GRM7: variants seen among roughly 807,000 people sequenced by gnomAD.
The protein encoded by GRM7 is metabotropic glutamate receptor 7.
Under a neutral mutation model 84.5 loss-of-function variants are expected in GRM7, and 35 were observed. The observed-to-expected ratio is 0.41, with a 90% CI of 0.32 to 0.55. The LOEUF (loss-of-function observed/expected upper bound fraction) is 0.55. Among genes scored for constraint, GRM7 ranks in the 20% least tolerant of loss-of-function variants. The pLI is 0.19. For missense variants in GRM7, 1,003 were observed against 1,194.6 expected, an observed-to-expected ratio of 0.84 and a Z score of 2.36; for synonymous variants, 487 against 455.1, an observed-to-expected ratio of 1.07 and a Z score of -0.89.
chr3:7,621,995 C>G (rs1465937631), intron 8 of GRM7, among the ~76,000 whole-genome samples: 1 of 152,158 alleles, frequency 6.6e-6, no homozygotes, highest in Non-Finnish European at 1.5e-5. Flanking sequence ...ATCAGACTTT[C>G]TAAGTGTACG....
chr3:7,323,029 T>A (rs1011499316), intron 4 of GRM7, among the ~76,000 whole-genome samples: 1 of 152,148 alleles, frequency 6.6e-6, no homozygotes, highest in African/African-American at 2.4e-5. Context: ...AGCAAGAGTA[T>A]GTTTGCCACT....
chr3:6,978,384 C>T (rs975297536), intron 1 of GRM7, among the ~76,000 whole-genome samples: 17 of 152,116 alleles, frequency 1.1e-4, no homozygotes, highest in Non-Finnish European at 2.2e-4. Context: ...GAGAACACAT[C>T]TCTGTTGTCT....
chr3:7,568,082 A>G (rs1694410101), intron 7 of GRM7, among the ~76,000 whole-genome samples: 1 of 152,184 alleles, frequency 6.6e-6, no homozygotes, highest in Non-Finnish European at 1.5e-5. Flanking sequence ...TTAGTAAGTT[A>G]TTCATTCACT....
intron 4 of GRM7, among the ~76,000 whole-genome samples, chr3:7,382,682 A>T (rs1332483725): frequency 6.6e-6 from 1 of 152,242 alleles, no homozygotes; most frequent in African/African-American, 2.4e-5. Context: ...GAAAGGAAAA[A>T]AATAAAGTAG....
At chr3:7,370,714 C>T (rs894836533) in intron 4 of GRM7, among the ~76,000 whole-genome samples, 4 of 152,128 alleles carry the variant, frequency 2.6e-5, no homozygotes, top group African/African-American at 9.7e-5. Context: ...CCCCTCCTTC[C>T]CTGCCTTCAG....
At chr3:7,129,088 G>C (rs9814822) in intron 1 of GRM7, among the ~76,000 whole-genome samples, 45,702 of 151,900 alleles carry the variant, frequency 0.3, 7,310 homozygotes, top group African/African-American at 0.41. Flanking sequence ...ACTGTTAGGA[G>C]TGCACCAATT....
chr3:7,642,085 G>A (rs1253666279), intron 8 of GRM7, among the ~76,000 whole-genome samples: 1 of 152,206 alleles, frequency 6.6e-6, no homozygotes, highest in African/African-American at 2.4e-5. Flanking sequence ...ACCACATCTA[G>A]TGAACTGTTA....
At chr3:7,533,236 A>G (rs1559385169) in intron 7 of GRM7, among the ~76,000 whole-genome samples, 2 of 152,192 alleles carry the variant, frequency 1.3e-5, no homozygotes, top group Admixed American at 1.3e-4. Flanking sequence ...AGCTGACCAC[A>G]TAATTAGAAG....
chr3:7,261,831 T>A (rs528069824), intron 2 of GRM7, among the ~76,000 whole-genome samples: 3 of 152,116 alleles, frequency 2.0e-5, no homozygotes, highest in Non-Finnish European at 4.4e-5. Context: ...AAGGATCTTA[T>A]TTCTCCTTCA....
Position 6,902,656 on chromosome 3 carries a change from A to G in GRM7, c.519+40749A>G, listed in dbSNP as rs578136096. Among the ~76,000 whole-genome samples, 4 of 152,264 alleles carry G rather than the reference A, an allele frequency of 2.6e-5. No individual in the cohort carries two copies. In the South Asian group the frequency reaches 6.2e-4, roughly 24 times the overall value. On this transcript the variant is annotated intron_variant, in intron 1 of 9. Coordinates refer to ENST00000357716, the MANE Select transcript of GRM7 (RefSeq NM_000844.4). ...GACTTTTATAAGAAAACAAAAATAT[A>G]TTATTTCTGAAAGCAAAACATAATT...
intron 1 of GRM7, among the ~76,000 whole-genome samples, chr3:7,084,305 A>ATCCTAGAC: frequency 6.6e-6 from 1 of 152,198 alleles, no homozygotes; most frequent in East Asian, 1.9e-4. Flanking sequence ...CATGGGCTCT[A>ATCCTAGAC]TCCTAGACCT....
At chr3:7,495,113 G>A (rs1183739366) in intron 7 of GRM7, among the ~76,000 whole-genome samples, 1 of 152,136 alleles carries the variant, frequency 6.6e-6, no homozygotes, top group Non-Finnish European at 1.5e-5. Flanking sequence ...TGGCATGTGG[G>A]TGTTGGCCTG....
At chr3:6,931,627 C>T (rs146836186) in intron 1 of GRM7, among the ~76,000 whole-genome samples, 11 of 152,294 alleles carry the variant, frequency 7.2e-5, no homozygotes, top group East Asian at 5.8e-4. Context: ...CTCTAAGAAA[C>T]GACACCAGTT....
chr3:7,213,189 T>C (rs1204944610), intron 2 of GRM7, among the ~76,000 whole-genome samples: 11 of 152,214 alleles, frequency 7.2e-5, no homozygotes, highest in Admixed American at 6.5e-5. Context: ...AACAAAATTC[T>C]TAGACAATTC....
At chr3:7,547,081 T>G (rs1693188512) in intron 7 of GRM7, among the ~76,000 whole-genome samples, 1 of 151,410 alleles carries the variant, frequency 6.6e-6, no homozygotes, top group Non-Finnish European at 1.5e-5. Flanking sequence ...ACGGGAGGGC[T>G]CCATGAAAAT....
At chr3:7,138,786 T>A (rs1293503578) in intron 1 of GRM7, among the ~76,000 whole-genome samples, 1 of 151,462 alleles carries the variant, frequency 6.6e-6, no homozygotes, top group African/African-American at 2.4e-5. Flanking sequence ...AGCCTTCATT[T>A]ATAAAAGCAA....
At chr3:6,946,950 G>C (rs1392765471) in intron 1 of GRM7, among the ~76,000 whole-genome samples, 1 of 152,118 alleles carries the variant, frequency 6.6e-6, no homozygotes, top group Non-Finnish European at 1.5e-5. Context: ...AGGAGATTTT[G>C]GGCTGAGAGG....
At chr3:7,259,192 T>C (rs1698317693) in intron 2 of GRM7, among the ~76,000 whole-genome samples, 1 of 152,218 alleles carries the variant, frequency 6.6e-6, no homozygotes, top group African/African-American at 2.4e-5. Context: ...AAAGCTCACA[T>C]TGGCTGATTG....
chr3:7,271,074 T>C (rs1225451001), intron 2 of GRM7, among the ~76,000 whole-genome samples: 4 of 152,132 alleles, frequency 2.6e-5, no homozygotes, highest in African/African-American at 4.8e-5. Context: ...TAGTACACAG[T>C]TAAAGAAATG....
Sources: allele counts gnomAD v4.1 joint callset (sites outside exome capture counted in the v4.1 genomes callset), GRCh38; gene constraint gnomAD v4.1.1; transcripts MANE v1.5; gene names NCBI Gene and HGNC (gene_info 2026-07-23, HGNC 2026-07-21).